CRADD: variants seen among roughly 807,000 people sequenced by gnomAD.
CRADD encodes death domain-containing protein CRADD.
A neutral mutation model predicts 15.5 loss-of-function variants in CRADD; 9 were observed. The ratio of observed to expected loss-of-function variants is 0.58; its 90% CI spans 0.35 to 1.01. The LOEUF (loss-of-function observed/expected upper bound fraction) is 1.01. CRADD is among the 50% of genes least tolerant of loss of function. CRADD has a pLI of 0.02. For synonymous variants in CRADD, 118 were observed against 107.6 expected (o/e 1.10, Z -0.60); for missense variants, 227 against 250.3 (o/e 0.91, Z 0.63).
intron 2 of CRADD, among the ~76,000 whole-genome samples, chr12:93,787,396 C>T (rs1428204449): frequency 1.3e-5 from 2 of 150,720 alleles, no homozygotes; most frequent in African/African-American, 4.9e-5. Context: ...CATTTTTTGC[C>T]CCAAACCAGT....
At chr12:93,798,375 A>G (rs558537087) in intron 2 of CRADD, among the ~76,000 whole-genome samples, 1 of 152,296 alleles carries the variant, frequency 6.6e-6, no homozygotes, top group East Asian at 1.9e-4. Flanking sequence ...GAAGGGTTAT[A>G]GACAGAAATA....
At chr12:93,716,129 C>G (rs1435384737) in intron 2 of CRADD, among the ~76,000 whole-genome samples, 1 of 142,968 alleles carries the variant, frequency 7.0e-6, no homozygotes, top group Non-Finnish European at 1.5e-5. Flanking sequence ...AAGACTCCAC[C>G]TCAAAAAAAA....
At chr12:93,830,010 T>C (rs973029204) in intron 2 of CRADD, among the ~76,000 whole-genome samples, 1 of 152,008 alleles carries the variant, frequency 6.6e-6, no homozygotes, top group African/African-American at 2.4e-5. Context: ...AACAGTTGCT[T>C]ATGGAGCACT....
chr12:93,785,099 A>T (rs2054783), intron 2 of CRADD, among the ~76,000 whole-genome samples: 86,307 of 150,814 alleles, frequency 0.57, 25,570 homozygotes, highest in East Asian at 0.89. Context: ...TTTTTTTTTT[A>T]AAATAGGAAC....
At chr12:93,758,844 A>G (rs892072344) in intron 2 of CRADD, among the ~76,000 whole-genome samples, 7 of 152,162 alleles carry the variant, frequency 4.6e-5, no homozygotes, top group African/African-American at 1.7e-4. Context: ...GTCTTATTAT[A>G]TTATTTTATT....
intron 2 of CRADD, among the ~76,000 whole-genome samples, chr12:93,779,396 A>G (rs1592982794): frequency 6.6e-6 from 1 of 152,164 alleles, no homozygotes; most frequent in Non-Finnish European, 1.5e-5. Context: ...ACATAACCAA[A>G]TAGTAGTGGT....
intron 2 of CRADD, among the ~76,000 whole-genome samples, chr12:93,780,283 A>G (rs1275021821): frequency 6.6e-6 from 1 of 152,258 alleles, no homozygotes; most frequent in Non-Finnish European, 1.5e-5. Context: ...TGCACGATAG[A>G]TAATGATAAT....
At chr12:93,807,963 A>G (rs535248398) in intron 2 of CRADD, among the ~76,000 whole-genome samples, 3 of 131,206 alleles carry the variant, frequency 2.3e-5, no homozygotes, top group Non-Finnish European at 4.7e-5. Context: ...GGTATGTTAG[A>G]AGATGGTAAG....
At chr12:93,784,681 C>CA (rs997387408) in intron 2 of CRADD, among the ~76,000 whole-genome samples, 5 of 152,000 alleles carry the variant, frequency 3.3e-5, no homozygotes, top group African/African-American at 1.2e-4. Context: ...GCACACGTGG[C>CA]AAATCTCTGG....
chr12:93,800,280 T>C (rs1011957482), intron 2 of CRADD, among the ~76,000 whole-genome samples: 2 of 152,162 alleles, frequency 1.3e-5, no homozygotes, highest in Admixed American at 1.3e-4. Context: ...AAGAGTGCTG[T>C]TGCCCAAATG....
intron 2 of CRADD, among the ~76,000 whole-genome samples, chr12:93,873,033 C>T (rs1303838283): frequency 6.6e-6 from 1 of 152,028 alleles, no homozygotes; most frequent in Non-Finnish European, 1.5e-5. Flanking sequence ...TTTTTCCAAT[C>T]TATGAACATA....
chr12:93,877,843 C>A (rs368835521), intron 2 of CRADD, among the ~76,000 whole-genome samples: 1 of 152,120 alleles, frequency 6.6e-6, no homozygotes, highest in Admixed American at 6.5e-5. Flanking sequence ...TGCTCTATCC[C>A]CCTGTGGCTG....
intron 2 of CRADD, among the ~76,000 whole-genome samples, chr12:93,689,717 A>G (rs1291513065): frequency 6.6e-6 from 1 of 152,210 alleles, no homozygotes; most frequent in African/African-American, 2.4e-5. Flanking sequence ...TAAGTGACAA[A>G]TGAGAGGCTT....
At chr12:93,696,507 C>T (rs768456759) in intron 2 of CRADD, among the ~76,000 whole-genome samples, 7 of 152,084 alleles carry the variant, frequency 4.6e-5, no homozygotes, top group African/African-American at 7.2e-5. Context: ...CATATAATCT[C>T]ACTTATATGT....
chr12:93,838,214 G>GTTTTTTTTTTTTTTTTTTTTTTTT (rs66564800), intron 2 of CRADD, among the ~76,000 whole-genome samples: 1 of 130,604 alleles, frequency 7.7e-6, no homozygotes, highest in Non-Finnish European at 1.6e-5. Context: ...TCCTTTTGAG[G>GTTTTTTTTTTTTTTTTTTTTTTTT]TTTTTTTTTT....
intron 2 of CRADD, among the ~76,000 whole-genome samples, chr12:93,781,683 C>T (rs533868703): frequency 1.2e-4 from 18 of 152,314 alleles, no homozygotes; most frequent in Non-Finnish European, 2.4e-4. Context: ...CCTCCCTCAA[C>T]GAGGCTGAAC....
chr12:93,765,263 A>G (rs1040719218), intron 2 of CRADD, among the ~76,000 whole-genome samples: 6 of 152,156 alleles, frequency 3.9e-5, no homozygotes, highest in African/African-American at 1.4e-4. Flanking sequence ...GAGAGAGGTC[A>G]AGGGGGAGTT....
chr12:93,858,093 G>A (rs1024104150), intron 2 of CRADD, among the ~76,000 whole-genome samples: 9 of 152,144 alleles, frequency 5.9e-5, no homozygotes, highest in African/African-American at 1.2e-4. Flanking sequence ...GTTATCTATT[G>A]TCAAGAGCTC....
intron 2 of CRADD, among the ~76,000 whole-genome samples, chr12:93,746,601 A>G (rs1956755002): frequency 6.6e-6 from 1 of 152,198 alleles, no homozygotes; most frequent in Non-Finnish European, 1.5e-5. Context: ...TGGTATTCCA[A>G]AAGTTCCTTT....
Sources: allele counts gnomAD v4.1 joint callset (sites outside exome capture counted in the v4.1 genomes callset), GRCh38; gene constraint gnomAD v4.1.1; transcripts MANE v1.5; gene names NCBI Gene and HGNC (gene_info 2026-07-23, HGNC 2026-07-21).